The following ERV3-1 variants were observed in gnomAD, a reference collection of about 807,000 sequenced individuals.
The protein encoded by ERV3-1 is endogenous retrovirus group 3 member 1 Env polyprotein.
A neutral mutation model predicts 24.6 loss-of-function variants in ERV3-1; 36 were observed. That is an observed-to-expected ratio of 1.47 (90% CI 1.12 to 1.94). ERV3-1 has a LOEUF of 1.94. Ranked by LOEUF, ERV3-1 falls within the 30% of genes most tolerant of loss-of-function variation. The pLI, the probability that ERV3-1 is intolerant of heterozygous loss-of-function variation, is 0.00. For missense variants in ERV3-1, 578 were observed against 330.9 expected, an observed-to-expected ratio of 1.75 and a Z score of -5.79; for synonymous variants, 211 against 122.6, an observed-to-expected ratio of 1.72 and a Z score of -4.76.
intron 1 of ERV3-1, among the ~76,000 whole-genome samples, chr7:65,005,887 C>A (rs1786636652): frequency 6.6e-6 from 1 of 152,164 alleles, no homozygotes; most frequent in African/African-American, 2.4e-5. Flanking sequence ...TCAGGCTTAA[C>A]CAACTATAAA....
intron 1 of ERV3-1, among the ~76,000 whole-genome samples, chr7:65,005,720 G>A (rs1470508224): frequency 6.6e-6 from 1 of 152,144 alleles, no homozygotes; most frequent in African/African-American, 2.4e-5. Context: ...AGACAGAAGT[G>A]AAAAATGCAG....
chr7:65,000,768 C>A (rs6949548), intron 1 of ERV3-1, among the ~76,000 whole-genome samples: 11 of 152,072 alleles, frequency 7.2e-5, no homozygotes, highest in Admixed American at 1.3e-4. Context: ...CTGGGTGACA[C>A]AGTGAGACCC....
chr7:65,001,105 G>A (rs971148608), intron 1 of ERV3-1, among the ~76,000 whole-genome samples: 5 of 129,976 alleles, frequency 3.8e-5, no homozygotes, highest in Admixed American at 7.2e-5. Flanking sequence ...GTACCTCAGT[G>A]ACAAAATAAT....
At chr7:64,997,931 T>A (rs2129123574) in intron 1 of ERV3-1, among the ~76,000 whole-genome samples, 2 of 152,278 alleles carry the variant, frequency 1.3e-5, no homozygotes, top group Middle Eastern at 6.8e-3. Flanking sequence ...CTGTTCATCA[T>A]AATAGATAGG....
rs543178793 is a variant in ERV3-1, at chr7:65,000,589, G to T, written c.-389+5952C>A. 2.1e-4 allele frequency among the ~76,000 whole-genome samples: 32 copies of T among 152,186 alleles called. No homozygotes were observed. In the South Asian group the frequency reaches 6.4e-3, roughly 31 times the overall value. On this transcript the variant is annotated intron_variant, in intron 1 of 1. Coordinates refer to ENST00000394323, the MANE Select transcript of ERV3-1 (RefSeq NM_001007253.4). ...AGGTCATAAGTTTGAAACCAGCCTG[G>T]GCAACGTGGCAAAACCACATCTCTA... is the stretch of plus-strand genomic sequence containing the variant.
Position 64,992,884 on chromosome 7 carries a change from T to C in ERV3-1, c.143A>G (p.His48Arg), listed in dbSNP as rs368529260. 2.9e-5 allele frequency: 22 copies of C among 766,264 alleles called. No homozygotes were observed. The highest frequency in any genetic ancestry group is 1.9e-4 in the Admixed American group (11 of 59,004). 47.5% of individuals were successfully genotyped at this position (766,264 alleles called of 1,614,324 possible). Residue 48 changes from histidine (H) to arginine (R), a missense_variant, in exon 2 of 2, where the codon CAC becomes CGC. Physicochemically the swap from His to Arg is conservative, Grantham distance 29. Transcript: ENST00000394323. ...GNIMTKTLLY[H>R]TYYECAGTCL... ...GGTCCCAGCACACTCATAATAAGTG[T>C]GATACAACAGGGTTTTAGTCATGAT...
rs545670456 is a variant in ERV3-1 at position 64,998,662 on chromosome 7, C to T, written c.-388-5248G>A. Reference sequence around the variant, plus strand: ...TCATTTCAGACTGATTAGACCGTGTCCCTTGCAGGAGTATTTCAGACACTT... The same window carrying T: ...TCATTTCAGACTGATTAGACCGTGTTCCTTGCAGGAGTATTTCAGACACTT... On this transcript the variant is annotated intron_variant, in intron 1 of 1. Coordinates refer to ENST00000394323, the MANE Select transcript of ERV3-1 (RefSeq NM_001007253.4). Among the ~76,000 whole-genome samples, 4 of 152,310 alleles carry T rather than the reference C, an allele frequency of 2.6e-5. No homozygotes were observed. The South Asian group carries it at 8.3e-4, about 32-fold the overall frequency.
At chr7:64,995,000 G>A (rs530847087) in intron 1 of ERV3-1, among the ~76,000 whole-genome samples, 7 of 152,350 alleles carry the variant, frequency 4.6e-5, no homozygotes, top group Admixed American at 1.3e-4. Context: ...AGAATACCTC[G>A]TCCACTGTTG....
chr7:65,001,160 A>G (rs1220448685), intron 1 of ERV3-1, among the ~76,000 whole-genome samples: 1 of 152,178 alleles, frequency 6.6e-6, no homozygotes, highest in African/African-American at 2.4e-5. Context: ...CACATAACAA[A>G]TCTGCATGTG....
In ERV3-1 at chr7:64,991,866, TG is replaced by T; in HGVS notation, c.1160del (p.Pro387HisfsTer12). 1 of 766,294 alleles carries T rather than the reference TG, an allele frequency of 1.3e-6. No homozygotes were observed. 47.5% of individuals were successfully genotyped at this position (766,294 alleles called of 1,614,324 possible). On this transcript the variant is annotated frameshift_variant, in exon 2 of 2. Transcript: ENST00000394323. LOFTEE classifies it high-confidence loss of function. Reference protein sequence around the residue: ...WRGKSNNSESPHPSPFSRFPS... With the variant: ...WRGKSNNSESXHPSPFSRFPS... ...GGAAACGAGAGAATGGGCTTGGGTG[TG>T]GTGATTCAGAATTATTGCTTTTGCC... is the stretch of plus-strand genomic sequence containing the variant.
At chr7:64,995,986 C>T (rs1316617674) in intron 1 of ERV3-1, among the ~76,000 whole-genome samples, 1 of 152,170 alleles carries the variant, frequency 6.6e-6, no homozygotes, top group Non-Finnish European at 1.5e-5. Flanking sequence ...ACTGAATTGT[C>T]CCATTAAAAT....
chr7:64,991,754 C>T lies in ERV3-1; in HGVS notation c.1273G>A (p.Ala425Thr). Residue 425 changes from alanine to threonine, a missense_variant, in exon 2 of 2, where the codon GCA becomes ACA. By Grantham distance (58) the Ala-to-Thr change is moderately conservative. Coordinates refer to ENST00000394323, the MANE Select transcript of ERV3-1 (RefSeq NM_001007253.4). ...CATTTAGCTGGCAGTTGTCGATATG[C>T]TTGTGGCCCACAGATCCAGTAGAGG... ...SGLYWICGPQ[A>T]YRQLPAKWSG... is the part of the protein sequence containing the mutation. 1 of 766,130 alleles carries T rather than the reference C, an allele frequency of 1.3e-6. No individual in the cohort carries two copies. Among genetic ancestry groups the T allele is most frequent in the South Asian group, 1.3e-5 (1 of 74,588 alleles). The allele number at this position is 766,130 out of a possible 1,614,324, so 47.5% of individuals were successfully genotyped here. A position where few individuals can be genotyped will look rare whatever the true frequency, so the allele number is the denominator to read the frequency against.
intron 1 of ERV3-1, among the ~76,000 whole-genome samples, chr7:64,997,477 T>C (rs1786428480): frequency 6.6e-6 from 1 of 152,212 alleles, no homozygotes; most frequent in Non-Finnish European, 1.5e-5. Context: ...ATTAGTCTCC[T>C]GCAGCACTTC....
At position 64,993,068 on chromosome 7, in the gene ERV3-1, A is replaced by C; in HGVS notation, c.-42T>G. ...TTCCTGGGGGGAGAAGGCTAAGCAA[A>C]GTGACAGCTTAATAGCAAAGTAATT... On this transcript the variant is annotated 5_prime_UTR_variant, in exon 2 of 2. Coordinates refer to ENST00000394323, the MANE Select transcript of ERV3-1 (RefSeq NM_001007253.4). 1 of 680,880 alleles carries C rather than the reference A, an allele frequency of 1.5e-6. No homozygotes were observed. The highest frequency in any genetic ancestry group is 1.6e-5 in the South Asian group (1 of 61,816). 42.2% of individuals were successfully genotyped at this position (680,880 alleles called of 1,614,324 possible). A position where few individuals can be genotyped will look rare whatever the true frequency, so the allele number is the denominator to read the frequency against.
chr7:65,003,464 G>C (rs944258941), intron 1 of ERV3-1, among the ~76,000 whole-genome samples: 1 of 152,110 alleles, frequency 6.6e-6, no homozygotes, highest in Non-Finnish European at 1.5e-5. Context: ...CTGGGCAACA[G>C]AGCAAGGCTC....
chr7:65,002,484 T>C (rs144717597), intron 1 of ERV3-1, among the ~76,000 whole-genome samples: 2 of 132,762 alleles, frequency 1.5e-5, no homozygotes, highest in Non-Finnish European at 3.3e-5. Context: ...CAACCATGCC[T>C]GGCTAATTTT....
At chr7:64,999,484 C>G (rs1786474257) in intron 1 of ERV3-1, among the ~76,000 whole-genome samples, 1 of 152,186 alleles carries the variant, frequency 6.6e-6, no homozygotes, top group South Asian at 2.1e-4. Context: ...ATGCAACCAA[C>G]AGGGGCGGGT....
At chr7:64,994,238 G>A (rs537145085) in intron 1 of ERV3-1, among the ~76,000 whole-genome samples, 1 of 152,296 alleles carries the variant, frequency 6.6e-6, no homozygotes, top group South Asian at 2.1e-4. Context: ...TTGGGTGATG[G>A]CAGTGAGTCG....
chr7:65,006,367 C>T (rs909377825), intron 1 of ERV3-1, 174 bp downstream of exon 1: 41 of 1,115,062 alleles, frequency 3.7e-5, no homozygotes, highest in Non-Finnish European at 5.1e-5. Flanking sequence ...AGCTGTCAGC[C>T]CGGCCGCCAT....
Sources: gnomAD v4.1 joint callset for allele counts (sites outside exome capture counted in the v4.1 genomes callset) on GRCh38, gnomAD v4.1.1 for gene constraint, MANE v1.5 for transcripts, NCBI Gene and HGNC (gene_info 2026-07-23, HGNC 2026-07-21) for gene names.